Variants in SLC20A2 observed in about 807,000 individuals in gnomAD.
SLC20A2 encodes sodium-dependent phosphate transporter 2.
In SLC20A2, 30 loss-of-function variants were observed where a neutral mutation model predicts 61.0. That is an observed-to-expected ratio of 0.49 (90% CI 0.37 to 0.67). The LOEUF is 0.67. Among genes scored for constraint, SLC20A2 ranks in the 30% least tolerant of loss-of-function variants. The pLI, the probability that SLC20A2 is intolerant of heterozygous loss-of-function variation, is 0.00. For missense variants in SLC20A2, 626 were observed against 866.4 expected, an observed-to-expected ratio of 0.72 and a Z score of 3.48; for synonymous variants, 351 against 353.3, an observed-to-expected ratio of 0.99 and a Z score of 0.07.
intron 5 of SLC20A2, among the ~76,000 whole-genome samples, chr8:42,457,555 A>C (rs1298096946): frequency 6.6e-6 from 1 of 151,408 alleles, no homozygotes; most frequent in Non-Finnish European, 1.5e-5. Context: ...AGCTTGGCTC[A>C]CTGCAACCTC....
intron 2 of SLC20A2, among the ~76,000 whole-genome samples, chr8:42,469,279 T>C (rs531893320): frequency 3.1e-4 from 47 of 152,024 alleles, no homozygotes; most frequent in African/African-American, 1.1e-3. Flanking sequence ...TCTAGGTAAC[T>C]CATACAAATT....
intron 1 of SLC20A2, among the ~76,000 whole-genome samples, chr8:42,509,611 G>A (rs1586236497): frequency 1.3e-5 from 2 of 152,050 alleles, no homozygotes; most frequent in South Asian, 4.2e-4. Flanking sequence ...AAAAATTAGC[G>A]GGTGCAGTGG....
chr8:42,417,655 G>T lies in SLC20A2; in HGVS notation c.*148C>A. 1 of 776,330 alleles carries T rather than the reference G, an allele frequency of 1.3e-6. No homozygotes were observed. The highest frequency in any genetic ancestry group is 2.1e-6 in the Non-Finnish European group (1 of 484,734). The allele number at this position is 776,330 out of a possible 1,614,324, so 48.1% of individuals were successfully genotyped here. ...CTCCGCAGCCTGGGTGAACAGTGTGGGATGGAGCCTCCTGGAAGGGAGGCA... is the reference window on the plus strand; with the variant it reads ...CTCCGCAGCCTGGGTGAACAGTGTGTGATGGAGCCTCCTGGAAGGGAGGCA... On this transcript the variant is annotated 3_prime_UTR_variant, in exon 11 of 11. Transcript: ENST00000520262.
At chr8:42,476,066 TA>T (rs1407380497) in intron 1 of SLC20A2, among the ~76,000 whole-genome samples, 14 of 147,392 alleles carry the variant, frequency 9.5e-5, no homozygotes, top group Admixed American at 8.3e-4. Flanking sequence ...TTGGGTGAAG[TA>T]GCCGGGTTTA....
At position 42,472,677 on chromosome 8, in the gene SLC20A2, G is replaced by T; in HGVS notation, c.-264-23C>A. Reference sequence around the variant, plus strand: ...CTCCTGTAGCAGAAAGGAAACAAAAGAAATCAATTATACTCAGCAACCTGT... The same window carrying T: ...CTCCTGTAGCAGAAAGGAAACAAAATAAATCAATTATACTCAGCAACCTGT... On this transcript the variant is annotated intron_variant, in intron 1 of 10. Coordinates refer to ENST00000520262, the MANE Select transcript of SLC20A2 (RefSeq NM_001257180.2). The surrounding 1 kb of genome is among the most constrained non-coding windows in gnomAD (Gnocchi z 4.1). The T allele has an allele frequency of 1.1e-5, 4 of 354,906 alleles. No homozygotes were observed. Among genetic ancestry groups the T allele is most frequent in the South Asian group, 1.1e-4 (3 of 28,248 alleles). 22.0% of individuals were successfully genotyped at this position (354,906 alleles called of 1,614,324 possible).
intron 1 of SLC20A2, among the ~76,000 whole-genome samples, chr8:42,494,954 C>G (rs544905681): frequency 1.3e-5 from 2 of 152,196 alleles, no homozygotes; most frequent in Admixed American, 1.3e-4. Flanking sequence ...TCAAGCAATT[C>G]TCCTGCCTCA....
At chr8:42,498,398 G>A (rs34097227) in intron 1 of SLC20A2, among the ~76,000 whole-genome samples, 9,589 of 152,250 alleles carry the variant, frequency 0.063, 391 homozygotes, top group Middle Eastern at 0.16. Flanking sequence ...GAATGCTGAA[G>A]TATCCTCAAC....
At chr8:42,530,013 C>T (rs983665812) in intron 1 of SLC20A2, among the ~76,000 whole-genome samples, 3 of 152,098 alleles carry the variant, frequency 2.0e-5, no homozygotes, top group African/African-American at 7.2e-5. Flanking sequence ...TTTAAAATTA[C>T]CCCAGCTACA....
rs1022247339 is a variant in SLC20A2, at chr8:42,417,708, C to T, written c.*95G>A. 28 of 1,370,408 alleles carry T rather than the reference C, an allele frequency of 2.0e-5. 1 individual carries two copies. In the South Asian group the frequency reaches 2.2e-4, roughly 11 times the overall value. The allele number at this position is 1,370,408 out of a possible 1,614,324, so 84.9% of individuals were successfully genotyped here. ...GAGCTGGTCATGAGAGAGCCGTGCA[C>T]GGCCAGGATGTGTATGTGCGGCACG... On this transcript the variant is annotated 3_prime_UTR_variant, in exon 11 of 11. Transcript: ENST00000520262.
At position 42,492,719 on chromosome 8, in the gene SLC20A2, C is replaced by T. The variant is rs530231761; in HGVS notation, c.-265+8312G>A. Among the ~76,000 whole-genome samples the T allele has an allele frequency of 3.1e-3, 461 of 150,222 alleles. 2 individuals are homozygous for T. The highest frequency in any genetic ancestry group is 0.024 in the Middle Eastern group (7 of 290). The stretch of plus-strand genomic sequence containing the variant: ...TTTTTTTTTTTTTGAGACGGAGTTT[C>T]GCTCTGTCACCCAGGCTGGAGTGCA... On this transcript the variant is annotated intron_variant, in intron 1 of 10. Coordinates refer to ENST00000520262, the MANE Select transcript of SLC20A2 (RefSeq NM_001257180.2).
chr8:42,428,584 G>A (rs573133618), intron 10 of SLC20A2, among the ~76,000 whole-genome samples, 174 bp downstream of exon 10: 21 of 152,374 alleles, frequency 1.4e-4, no homozygotes, highest in Non-Finnish European at 2.5e-4. Context: ...CTGCCGAGAG[G>A]AGGACGGTGG....
At chr8:42,517,368 CA>C (rs34660785) in intron 1 of SLC20A2, among the ~76,000 whole-genome samples, 30 of 126,450 alleles carry the variant, frequency 2.4e-4, no homozygotes, top group Non-Finnish European at 3.2e-4. Flanking sequence ...GATCCTGTCT[CA>C]AAAAAAAAAA....
rs190577492 is a variant in SLC20A2 at position 42,439,050 on chromosome 8, A to G, written c.934+400T>C. ...CATTTTCTAAGGTTTCTGTGATTCA[A>G]TGGTGGGACCACCTCCTTGGTTACA... On this transcript the variant is annotated intron_variant, in intron 7 of 10. Transcript: ENST00000520262. Among the ~76,000 whole-genome samples, 273 of 152,224 alleles carry G rather than the reference A, an allele frequency of 1.8e-3. 3 individuals are homozygous for G. The highest frequency in any genetic ancestry group is 6.1e-3 in the African/African-American group (252 of 41,546).
intron 5 of SLC20A2, among the ~76,000 whole-genome samples, chr8:42,448,080 G>A (rs1033368739): frequency 1.3e-5 from 2 of 152,364 alleles, no homozygotes; most frequent in African/African-American, 4.8e-5. Flanking sequence ...TTGCACCAAA[G>A]CTGGTTCTTG....
At chr8:42,539,882 G>A (rs949062324) in intron 1 of SLC20A2, among the ~76,000 whole-genome samples, 2 of 152,184 alleles carry the variant, frequency 1.3e-5, no homozygotes, top group Non-Finnish European at 2.9e-5. Flanking sequence ...GGGACTAATT[G>A]TACTTCTATG....
At chr8:42,531,885 C>G (rs1812349624) in intron 1 of SLC20A2, among the ~76,000 whole-genome samples, 1 of 150,546 alleles carries the variant, frequency 6.6e-6, no homozygotes. Flanking sequence ...GTGGCGCGAT[C>G]TCAGCTCACT....
rs562142102 is a variant in SLC20A2 at position 42,435,780 on chromosome 8, G to A, written c.1523+1209C>T. Among the ~76,000 whole-genome samples the A allele has an allele frequency of 3.9e-5, 6 of 152,268 alleles. No homozygotes were observed. The South Asian group carries it at 1.2e-3, about 32-fold the overall frequency. ...TGCATCGTGCAGTGGGGAGAACTAG[G>A]GCCCACGAGTGGGACGGAGCCTTCT... On this transcript the variant is annotated intron_variant, in intron 8 of 10. Coordinates refer to ENST00000520262, the MANE Select transcript of SLC20A2 (RefSeq NM_001257180.2).
In SLC20A2 at chr8:42,428,752, G is replaced by A. The variant is rs1385291040; in HGVS notation, c.1794+6C>T. ...GGGGAAGGGCTCCCGGCTAGCAGGG[G>A]CCTACCTTACAGTGCGTGGTGCTGA... is the stretch of plus-strand genomic sequence containing the variant. On this transcript the variant is annotated splice_donor_region_variant and intron_variant, in intron 10 of 10. Coordinates refer to ENST00000520262, the MANE Select transcript of SLC20A2 (RefSeq NM_001257180.2). 18 of 1,609,566 alleles carry A rather than the reference G, an allele frequency of 1.1e-5. No individual in the cohort carries two copies. The highest frequency in any genetic ancestry group is 3.3e-5 in the South Asian group (3 of 90,188).
chr8:42,527,637 G>C (rs371925389), intron 1 of SLC20A2, among the ~76,000 whole-genome samples: 1 of 151,790 alleles, frequency 6.6e-6, no homozygotes, highest in African/African-American at 2.4e-5. Context: ...GCGTGGTGGC[G>C]CATGCCTGTA....
Sources: allele counts gnomAD v4.1 joint callset (sites outside exome capture counted in the v4.1 genomes callset), GRCh38; gene constraint gnomAD v4.1.1; non-coding constraint Gnocchi (gnomAD v3.1); transcripts MANE v1.5; gene names NCBI Gene and HGNC (gene_info 2026-07-23, HGNC 2026-07-21).